The following MAS1 variants were observed in gnomAD, a reference collection of about 807,000 sequenced individuals.
MAS1 encodes proto-oncogene Mas.
For missense variants in MAS1, 387 were observed against 409.7 expected, an observed-to-expected ratio of 0.94 and a Z score of 0.48; for synonymous variants, 163 against 164.2, an observed-to-expected ratio of 0.99 and a Z score of 0.05.
intron 2 of MAS1, among the ~76,000 whole-genome samples, chr6:159,904,410 C>A (rs1782858368): frequency 6.6e-6 from 1 of 152,180 alleles, no homozygotes; most frequent in African/African-American, 2.4e-5. Flanking sequence ...GCCCTGCTAA[C>A]CCGCTTCACC....
intron 1 of MAS1, among the ~76,000 whole-genome samples, chr6:159,896,069 G>A (rs1354612138): frequency 1.3e-5 from 2 of 152,226 alleles, no homozygotes; most frequent in Non-Finnish European, 2.9e-5. Context: ...AGCACTGCGG[G>A]AGGCCAAGAC....
Position 159,909,429 on chromosome 6 carries a change from C to G in MAS1, c.*1496C>G, listed in dbSNP as rs1782940310. On this transcript the variant is annotated 3_prime_UTR_variant, in exon 3 of 3. Transcript: ENST00000674077. ...TCTCAAAAGAAATGATGTGGGGCAG[C>G]TTCGCTGGGGGAGAGGAGTCTGTCC... 2 of 152,224 alleles carry G rather than the reference C, an allele frequency of 1.3e-5. No individual in the cohort carries two copies. Among genetic ancestry groups the G allele is most frequent in the South Asian group, 4.1e-4 (2 of 4,832 alleles). 9.4% of individuals were successfully genotyped at this position (152,224 alleles called of 1,614,324 possible). A position where few individuals can be genotyped will look rare whatever the true frequency, so the allele number is the denominator to read the frequency against.
intron 2 of MAS1, among the ~76,000 whole-genome samples, chr6:159,902,666 A>C (rs1562310958): frequency 6.6e-6 from 1 of 151,710 alleles, no homozygotes; most frequent in Non-Finnish European, 1.5e-5. Context: ...TGTCACCCCT[A>C]CCTTTTGTGT....
intron 2 of MAS1, 65 bp from the exon 3 acceptor site, chr6:159,906,855 C>T (rs1782892976): frequency 7.9e-7 from 1 of 1,271,590 alleles, no homozygotes; most frequent in South Asian, 1.5e-5. Context: ...GAATTTCTCC[C>T]TTTTATTCCA....
At chr6:159,890,938 C>T (rs139607838), upstream of MAS1, among the ~76,000 whole-genome samples, 110 of 152,324 alleles carry the variant, frequency 7.2e-4, 1 homozygote, top group African/African-American at 2.6e-3. Context: ...AAGCGTGGGA[C>T]CATCTGCTTG....
At chr6:159,889,906 C>T (rs538745797), upstream of MAS1, among the ~76,000 whole-genome samples, 4 of 152,318 alleles carry the variant, frequency 2.6e-5, no homozygotes, top group African/African-American at 9.6e-5. Flanking sequence ...CTATGGTCTT[C>T]CTGCTTACGA....
rs1562312850 is a variant in MAS1 at position 159,908,047 on chromosome 6, A to G, written c.*114A>G. 12 of 1,157,270 alleles carry G rather than the reference A, an allele frequency of 1.0e-5. No individual in the cohort carries two copies. The highest frequency in any genetic ancestry group is 1.4e-5 in the Non-Finnish European group (12 of 827,842). The allele number at this position is 1,157,270 out of a possible 1,614,324, so 71.7% of individuals were successfully genotyped here. ...GTGATACAGAAGAACATCTCATCCCATATGCATGAGATACTAATTAATGAT... is the reference window on the plus strand; with the variant it reads ...GTGATACAGAAGAACATCTCATCCCGTATGCATGAGATACTAATTAATGAT... On this transcript the variant is annotated 3_prime_UTR_variant, in exon 3 of 3. Coordinates refer to ENST00000674077, the MANE Select transcript of MAS1 (RefSeq NM_002377.4).
chr6:159,889,649 G>A (rs897871294), upstream of MAS1, among the ~76,000 whole-genome samples: 1 of 152,140 alleles, frequency 6.6e-6, no homozygotes, highest in Non-Finnish European at 1.5e-5. Flanking sequence ...CATCCTCTGG[G>A]AAACTAAAGT....
chr6:159,897,861 G>A lies in MAS1; in HGVS notation c.-243-1325G>A, dbSNP rs554143291. Among the ~76,000 whole-genome samples the A allele has an allele frequency of 9.9e-5, 15 of 152,200 alleles. No individual in the cohort carries two copies. The East Asian group carries it at 2.7e-3, about 27-fold the overall frequency. On this transcript the variant is annotated intron_variant, in intron 1 of 2. Coordinates refer to ENST00000674077, the MANE Select transcript of MAS1 (RefSeq NM_002377.4). ...CTACTTCACATGCAGAGACCACATA[G>A]TGGCAAAGTCACAACTAGAAATTAA...
chr6:159,896,121 C>A (rs1006357333), intron 1 of MAS1, among the ~76,000 whole-genome samples: 1 of 151,784 alleles, frequency 6.6e-6, no homozygotes, highest in African/African-American at 2.4e-5. Context: ...CCATCCTGGG[C>A]AACATGGGAA....
chr6:159,914,345 C>A lies in MAS1; in HGVS notation c.*6412C>A, dbSNP rs1315727726. On this transcript the variant is annotated 3_prime_UTR_variant, in exon 3 of 3. Coordinates refer to ENST00000674077, the MANE Select transcript of MAS1 (RefSeq NM_002377.4). ...CAATTGAGAAGATAGTCACCTCTGA[C>A]AGTTTTTTAAGGGTTCTTGGTGGTG... 1.3e-5 allele frequency: 2 copies of A among 152,060 alleles called. No individual in the cohort carries two copies. The highest frequency in any genetic ancestry group is 2.9e-5 in the Non-Finnish European group (2 of 68,022). The allele number at this position is 152,060 out of a possible 1,614,324, so 9.4% of individuals were successfully genotyped here. A position where few individuals can be genotyped will look rare whatever the true frequency, so the allele number is the denominator to read the frequency against.
Position 159,910,846 on chromosome 6 carries a change from A to G in MAS1, c.*2913A>G, listed in dbSNP as rs968735066. ...CTGCCATTTGTCTTGCAGCCTGACC[A>G]TCATAGAGAGATTGGTCCAGATAGG... On this transcript the variant is annotated 3_prime_UTR_variant, in exon 3 of 3. Transcript: ENST00000674077. 3 of 152,230 alleles carry G rather than the reference A, an allele frequency of 2.0e-5. No homozygotes were observed. The highest frequency in any genetic ancestry group is 7.2e-5 in the African/African-American group (3 of 41,438). The allele number at this position is 152,230 out of a possible 1,614,324, so 9.4% of individuals were successfully genotyped here.
In MAS1 at chr6:159,908,978, T is replaced by G. The variant is rs1782934090; in HGVS notation, c.*1045T>G. On this transcript the variant is annotated 3_prime_UTR_variant, in exon 3 of 3. Coordinates refer to ENST00000674077, the MANE Select transcript of MAS1 (RefSeq NM_002377.4). Reference sequence around the variant, plus strand: ...TGTCTGCCTCCTCTCCTCCTGAGGCTTTTTTTTTTTTTTTCATCACACCTG... The same window carrying G: ...TGTCTGCCTCCTCTCCTCCTGAGGCGTTTTTTTTTTTTTTCATCACACCTG... 7.5e-6 allele frequency: 1 copy of G among 133,774 alleles called. No individual in the cohort carries two copies. The highest frequency in any genetic ancestry group is 7.3e-5 in the Admixed American group (1 of 13,626). 8.3% of individuals were successfully genotyped at this position (133,774 alleles called of 1,614,324 possible).
chr6:159,906,986 G>T lies in MAS1; in HGVS notation c.31G>T (p.Val11Phe), dbSNP rs1782894746. The change falls in exon 3 of 3, where the codon GTT becomes TTT. Residue 11 changes from valine (V) to phenylalanine (F), a missense_variant. Coordinates refer to ENST00000674077, the MANE Select transcript of MAS1 (RefSeq NM_002377.4). ...TGGGTCAAACGTGACATCATTTGTTGTTGAGGAACCCACGAACATCTCAAC... is the reference window on the plus strand; with the variant it reads ...TGGGTCAAACGTGACATCATTTGTTTTTGAGGAACCCACGAACATCTCAAC... Reference protein sequence around the residue: MDGSNVTSFVVEEPTNISTGR... With the variant: MDGSNVTSFVFEEPTNISTGR... The T allele has an allele frequency of 1.2e-6, 2 of 1,610,006 alleles. No individual in the cohort carries two copies. Among genetic ancestry groups the T allele is most frequent in the South Asian group, 2.2e-5 (2 of 91,024 alleles).
At chr6:159,890,345 T>C (rs967172275), upstream of MAS1, among the ~76,000 whole-genome samples, 2 of 152,320 alleles carry the variant, frequency 1.3e-5, no homozygotes, top group African/African-American at 4.8e-5. Context: ...AGTTGGCATC[T>C]AACAGAAACA....
intron 1 of MAS1, among the ~76,000 whole-genome samples, chr6:159,894,559 G>A (rs1782734001): frequency 6.6e-6 from 1 of 152,120 alleles, no homozygotes; most frequent in Non-Finnish European, 1.5e-5. Flanking sequence ...AATATGCTAG[G>A]CTCTGGCATC....
At position 159,913,339 on chromosome 6, in the gene MAS1, G is replaced by C. The variant is rs1216140228; in HGVS notation, c.*5406G>C. 6.6e-6 allele frequency: 1 copy of C among 152,194 alleles called. No individual in the cohort carries two copies. The highest frequency in any genetic ancestry group is 1.5e-5 in the Non-Finnish European group (1 of 68,038). The allele number at this position is 152,194 out of a possible 1,614,324, so 9.4% of individuals were successfully genotyped here. ...GATCGCACCACTGCTCTCCAGCCTG[G>C]GTGATAGAGTGAGACTCCGTCTCAA... On this transcript the variant is annotated 3_prime_UTR_variant, in exon 3 of 3. Coordinates refer to ENST00000674077, the MANE Select transcript of MAS1 (RefSeq NM_002377.4).
At chr6:159,891,516 G>C (rs762860319) in intron 1 of MAS1, among the ~76,000 whole-genome samples, 12 of 152,220 alleles carry the variant, frequency 7.9e-5, no homozygotes, top group Non-Finnish European at 1.6e-4. Flanking sequence ...GAATGATAAA[G>C]AAGTTGAGGT....
At chr6:159,906,320 A>G (rs977965009) in intron 2 of MAS1, among the ~76,000 whole-genome samples, 6 of 152,136 alleles carry the variant, frequency 3.9e-5, no homozygotes, top group African/African-American at 1.4e-4. Flanking sequence ...TGTCGCAGAT[A>G]TTGAAGCCGT....
Sources: allele counts gnomAD v4.1 joint callset (sites outside exome capture counted in the v4.1 genomes callset), GRCh38; gene constraint gnomAD v4.1.1; transcripts MANE v1.5; gene names NCBI Gene and HGNC (gene_info 2026-07-23, HGNC 2026-07-21).